Variants in TMEM154 observed in about 807,000 individuals in gnomAD.
TMEM154 encodes the protein transmembrane protein 154.
TMEM154 carries 27 observed loss-of-function variants against 24.5 expected under a neutral mutation model. The ratio of observed to expected loss-of-function variants is 1.10; its 90% CI spans 0.81 to 1.52. The LOEUF is 1.52. Ranked by LOEUF, TMEM154 falls within the 40% of genes most tolerant of loss-of-function variation. The probability of loss-of-function intolerance (pLI) is 0.00; values close to 1 mark genes in which losing one functional copy is unlikely to be tolerated. For synonymous variants in TMEM154, 67 were observed against 76.8 expected, an observed-to-expected ratio of 0.87 and a Z score of 0.67; for missense variants, 228 against 213.4, an observed-to-expected ratio of 1.07 and a Z score of -0.43.
At chr4:152,660,021 C>A (rs749752928) in intron 1 of TMEM154, among the ~76,000 whole-genome samples, 7,141 of 151,738 alleles carry the variant, frequency 0.047, 204 homozygotes, top group East Asian at 0.072. Context: ...TAACTGAAAC[C>A]ACGAAAAACG....
intron 6 of TMEM154, among the ~76,000 whole-genome samples, chr4:152,630,611 T>C (rs1176285479): frequency 6.6e-6 from 1 of 152,208 alleles, no homozygotes; most frequent in Non-Finnish European, 1.5e-5. Context: ...AATATACAGC[T>C]GAACAACAAA....
At chr4:152,660,536 G>A (rs1728581496) in intron 1 of TMEM154, among the ~76,000 whole-genome samples, 1 of 152,008 alleles carries the variant, frequency 6.6e-6, no homozygotes, top group Non-Finnish European at 1.5e-5. Context: ...CATTTTTTCA[G>A]ATAGACATTA....
chr4:152,633,522 T>C (rs1752090653), intron 6 of TMEM154, among the ~76,000 whole-genome samples: 1 of 152,264 alleles, frequency 6.6e-6, no homozygotes, highest in Non-Finnish European at 1.5e-5. Flanking sequence ...TAGAGTTCTC[T>C]GTTAAAAAGA....
chr4:152,628,675 C>T (rs1434728937), intron 6 of TMEM154, 114 bp from the exon 7 acceptor site: 15 of 1,277,886 alleles, frequency 1.2e-5, no homozygotes, highest in Admixed American at 3.4e-5. Flanking sequence ...CTGGCTCCGT[C>T]GCCCAGGCTG....
At chr4:152,635,656 G>A (rs1752133948) in intron 6 of TMEM154, among the ~76,000 whole-genome samples, 1 of 152,154 alleles carries the variant, frequency 6.6e-6, no homozygotes, top group African/African-American at 2.4e-5. Flanking sequence ...AAATAGTGAA[G>A]CAACTCCTTT....
chr4:152,649,038 A>T (rs946596429), intron 3 of TMEM154, among the ~76,000 whole-genome samples: 16 of 152,338 alleles, frequency 1.1e-4, no homozygotes, highest in African/African-American at 3.8e-4. Flanking sequence ...GGCCTCTGCC[A>T]TGAAAGGAAA....
chr4:152,637,583 G>C (rs1752174745), intron 6 of TMEM154, among the ~76,000 whole-genome samples: 1 of 152,018 alleles, frequency 6.6e-6, no homozygotes, highest in Non-Finnish European at 1.5e-5. Flanking sequence ...AACCTAGCTA[G>C]GTGGTTTCAT....
intron 6 of TMEM154, among the ~76,000 whole-genome samples, chr4:152,639,291 C>A (rs569314957): frequency 6.6e-6 from 1 of 152,254 alleles, no homozygotes; most frequent in South Asian, 2.1e-4. Flanking sequence ...CCATACAATT[C>A]TGTAATGTTA....
At chr4:152,657,013 G>T (rs548504848) in intron 1 of TMEM154, among the ~76,000 whole-genome samples, 2 of 150,632 alleles carry the variant, frequency 1.3e-5, no homozygotes, top group African/African-American at 4.9e-5. Context: ...TGGACCTGAA[G>T]AATTCATAAA....
intron 1 of TMEM154, chr4:152,668,347 T>C (rs999716670): frequency 8.5e-5 from 13 of 152,186 alleles, no homozygotes; most frequent in Non-Finnish European, 1.0e-4. Flanking sequence ...CTGAATACTT[T>C]CCCAATTTTA....
In TMEM154 at chr4:152,627,139, A is replaced by G. The variant is rs542092357; in HGVS notation, c.*1407T>C. On this transcript the variant is annotated 3_prime_UTR_variant, in exon 7 of 7. Coordinates refer to ENST00000304385, the MANE Select transcript of TMEM154 (RefSeq NM_152680.3). ...GGTCTGGAACTCTGCCTTTGAAATT[A>G]TCCACGTAGTTCAGAAGGCAAATAC... The G allele has an allele frequency of 6.6e-6, 1 of 152,334 alleles. No homozygotes were observed. The highest frequency in any genetic ancestry group is 2.1e-4 in the South Asian group (1 of 4,830). 9.4% of individuals were successfully genotyped at this position (152,334 alleles called of 1,614,324 possible).
intron 1 of TMEM154, among the ~76,000 whole-genome samples, chr4:152,666,162 C>T (rs1462930680): frequency 1.3e-5 from 2 of 152,102 alleles, no homozygotes; most frequent in Non-Finnish European, 2.9e-5. Flanking sequence ...TGAAGTTGCT[C>T]AAACAATCTC....
Position 152,626,899 on chromosome 4 carries a change from G to A in TMEM154, c.*1647C>T, listed in dbSNP as rs1429919510. On this transcript the variant is annotated 3_prime_UTR_variant, in exon 7 of 7. Transcript: ENST00000304385. Reference sequence around the variant, plus strand: ...TTGGCATAAATATCTGAGAGTCACTGTGGGCCATGAGTTGAAAAGGAACAT... The same window carrying A: ...TTGGCATAAATATCTGAGAGTCACTATGGGCCATGAGTTGAAAAGGAACAT... 1 of 152,218 alleles carries A rather than the reference G, an allele frequency of 6.6e-6. No individual in the cohort carries two copies. Among genetic ancestry groups the A allele is most frequent in the African/African-American group, 2.4e-5 (1 of 41,458 alleles). 9.4% of individuals were successfully genotyped at this position (152,218 alleles called of 1,614,324 possible). A position where few individuals can be genotyped will look rare whatever the true frequency, so the allele number is the denominator to read the frequency against.
At chr4:152,675,621 C>T (rs1445410040) in intron 1 of TMEM154, among the ~76,000 whole-genome samples, 2 of 151,688 alleles carry the variant, frequency 1.3e-5, no homozygotes, top group Non-Finnish European at 2.9e-5. Flanking sequence ...GAGTGAAACT[C>T]TGTCTCAAAA....
chr4:152,661,647 G>T (rs1402356862), intron 1 of TMEM154, among the ~76,000 whole-genome samples: 1 of 152,076 alleles, frequency 6.6e-6, no homozygotes, highest in Non-Finnish European at 1.5e-5. Flanking sequence ...ATAGAATTTG[G>T]ACAAATTACT....
rs933690713 is a variant in TMEM154 at position 152,652,822 on chromosome 4, G to A, written c.170C>T (p.Thr57Ile). The change falls in exon 2 of 7, where the codon ACA (threonine) becomes ATA (isoleucine). Residue 57 changes from threonine to isoleucine, a missense_variant. By Grantham distance (89) the Thr-to-Ile change is moderately conservative. Coordinates refer to ENST00000304385, the MANE Select transcript of TMEM154 (RefSeq NM_152680.3). ...STFAAVTIKE[T>I]LNANINSTNF... ...GGTAGAATTTATATTTGCATTTAAT[G>A]TTTCTTTGATGGTCACTGCAGCAAA... 2.5e-6 allele frequency: 4 copies of A among 1,613,856 alleles called. No individual in the cohort carries two copies. In the African/African-American group the frequency reaches 4.0e-5, roughly 16 times the overall value.
rs369818075 is a variant in TMEM154, at chr4:152,648,245, G to A, written c.365-3803C>T. ...CACCTGTAATCCCAGTGCTTTGGGAGGCTGAGGTGGGAGGATCACTTGAGC... is the reference window on the plus strand; with the variant it reads ...CACCTGTAATCCCAGTGCTTTGGGAAGCTGAGGTGGGAGGATCACTTGAGC... On this transcript the variant is annotated intron_variant, in intron 3 of 6. Coordinates refer to ENST00000304385, the MANE Select transcript of TMEM154 (RefSeq NM_152680.3). Among the ~76,000 whole-genome samples the A allele has an allele frequency of 9.6e-4, 146 of 152,322 alleles. 1 individual carries two copies. Among genetic ancestry groups the A allele is most frequent in the African/African-American group, 2.9e-3 (121 of 41,572 alleles).
intron 1 of TMEM154, among the ~76,000 whole-genome samples, chr4:152,677,386 A>G (rs1247258457): frequency 6.6e-6 from 1 of 152,238 alleles, no homozygotes; most frequent in African/African-American, 2.4e-5. Context: ...ACTCACAAAC[A>G]GTGTCAGGCC....
chr4:152,664,091 A>C (rs1479326395), intron 1 of TMEM154, among the ~76,000 whole-genome samples: 2 of 152,230 alleles, frequency 1.3e-5, no homozygotes, highest in East Asian at 3.8e-4. Context: ...ACATACGTGC[A>C]CTGTTTACAA....
Sources: gnomAD v4.1 joint callset for allele counts (sites outside exome capture counted in the v4.1 genomes callset) on GRCh38, gnomAD v4.1.1 for gene constraint, MANE v1.5 for transcripts, NCBI Gene and HGNC (gene_info 2026-07-23, HGNC 2026-07-21) for gene names.